LYPD6: variants seen among roughly 807,000 people sequenced by gnomAD.
LYPD6 encodes the protein LY6/PLAUR domain containing 6, also known as ly6/PLAUR domain-containing protein 6.
LYPD6 carries 15 observed loss-of-function variants against 22.7 expected under a neutral mutation model. That is an observed-to-expected ratio of 0.66 (90% CI 0.44 to 1.02). LYPD6 has a LOEUF of 1.02. Ranked by LOEUF, LYPD6 falls within the 50% of genes least tolerant of loss-of-function variation. The pLI is 0.00. For missense variants in LYPD6, 189 were observed against 208.4 expected, an observed-to-expected ratio of 0.91 and a Z score of 0.57; for synonymous variants, 72 against 77.5, an observed-to-expected ratio of 0.93 and a Z score of 0.37.
downstream of LYPD6, chr2:149,474,202 TC>T (rs1681410886): frequency 6.6e-6 from 1 of 152,164 alleles, no homozygotes; most frequent in South Asian, 2.1e-4. Context: ...TTTTTTTGTT[TC>T]GTTTTTTTGA....
intron 3 of LYPD6, among the ~76,000 whole-genome samples, chr2:149,468,178 C>CAA (rs1428615054): frequency 1.4e-5 from 2 of 147,566 alleles, no homozygotes; most frequent in Non-Finnish European, 3.0e-5. Context: ...CACACACACA[C>CAA]ACACACACAC....
intron 1 of LYPD6, among the ~76,000 whole-genome samples, chr2:149,331,943 T>G (rs1464227540): frequency 6.6e-6 from 1 of 152,226 alleles, no homozygotes; most frequent in East Asian, 1.9e-4. Flanking sequence ...TACATTTTCT[T>G]TCGAGTGAGA....
intron 1 of LYPD6, among the ~76,000 whole-genome samples, chr2:149,406,163 C>G (rs915263423): frequency 6.7e-6 from 1 of 149,246 alleles, no homozygotes; most frequent in Admixed American, 6.7e-5. Context: ...AGTATGTGGT[C>G]AATTTTGGAA....
intron 1 of LYPD6, among the ~76,000 whole-genome samples, chr2:149,388,899 C>T (rs1682245905): frequency 2.0e-5 from 3 of 152,124 alleles, no homozygotes; most frequent in Admixed American, 2.0e-4. Flanking sequence ...ATACTTAACC[C>T]TTCCTAATGC....
At chr2:149,364,918 A>G (rs548134177) in intron 1 of LYPD6, among the ~76,000 whole-genome samples, 44 of 152,236 alleles carry the variant, frequency 2.9e-4, no homozygotes, top group African/African-American at 1.0e-3. Flanking sequence ...AGTTTTCAAA[A>G]TCACCCCAGG....
At chr2:149,331,652 G>A (rs925845924) in intron 1 of LYPD6, among the ~76,000 whole-genome samples, 3 of 151,918 alleles carry the variant, frequency 2.0e-5, no homozygotes, top group Admixed American at 1.3e-4. Context: ...TGGGTGGGGG[G>A]GAATGGAAGA....
intron 1 of LYPD6, among the ~76,000 whole-genome samples, chr2:149,388,101 T>C (rs1256828235): frequency 6.6e-6 from 1 of 152,172 alleles, no homozygotes; most frequent in Non-Finnish European, 1.5e-5. Flanking sequence ...GTTGAAATAT[T>C]CTATGTCTTC....
At chr2:149,420,210 C>CT (rs1235379369) in intron 1 of LYPD6, among the ~76,000 whole-genome samples, 1 of 152,202 alleles carries the variant, frequency 6.6e-6, no homozygotes, top group Non-Finnish European at 1.5e-5. Context: ...CTGAAGGCAT[C>CT]TCAGTGTGCC....
rs1039383542 is a variant in LYPD6 at position 149,471,560 on chromosome 2, C to T, written c.*710C>T. ...ACTGTCCATAAAGTGGCTGTTATCC[C>T]TTCATATAATTGGTGAGATCAGCCT... On this transcript the variant is annotated 3_prime_UTR_variant, in exon 5 of 5. Transcript: ENST00000334166. 20 of 152,164 alleles carry T rather than the reference C, an allele frequency of 1.3e-4. No homozygotes were observed. Among genetic ancestry groups the T allele is most frequent in the African/African-American group, 4.6e-4 (19 of 41,436 alleles). 9.4% of individuals were successfully genotyped at this position (152,164 alleles called of 1,614,324 possible).
intron 1 of LYPD6, among the ~76,000 whole-genome samples, chr2:149,419,672 C>A (rs567410613): frequency 6.6e-5 from 10 of 152,304 alleles, no homozygotes. Flanking sequence ...TGCGTGCTCT[C>A]ATGCACAGAC....
intron 2 of LYPD6, among the ~76,000 whole-genome samples, chr2:149,438,826 C>G (rs1283208102): frequency 1.3e-5 from 2 of 152,188 alleles, no homozygotes; most frequent in Non-Finnish European, 2.9e-5. Flanking sequence ...GGCTTGGAGT[C>G]CACCTGACCT....
chr2:149,412,153 AT>A (rs1256832324), intron 1 of LYPD6, among the ~76,000 whole-genome samples: 1 of 152,238 alleles, frequency 6.6e-6, no homozygotes, highest in African/African-American at 2.4e-5. Context: ...CATTTAAAAA[AT>A]GAATAGGTAC....
At chr2:149,352,423 C>T (rs1201117619) in intron 1 of LYPD6, among the ~76,000 whole-genome samples, 2 of 152,128 alleles carry the variant, frequency 1.3e-5, no homozygotes, top group African/African-American at 4.8e-5. Context: ...GGAGATGTGA[C>T]AGTGGCTGCA....
At chr2:149,377,781 A>ACCCC (rs70994571) in intron 1 of LYPD6, among the ~76,000 whole-genome samples, 103 of 94,280 alleles carry the variant, frequency 1.1e-3, no homozygotes, top group Non-Finnish European at 1.4e-3. Context: ...CTTTGTCCCC[A>ACCCC]CCCCCCCCCC....
At chr2:149,334,882 C>T (rs567555255) in intron 1 of LYPD6, among the ~76,000 whole-genome samples, 2 of 151,748 alleles carry the variant, frequency 1.3e-5, no homozygotes, top group Non-Finnish European at 2.9e-5. Context: ...TGGTCCCATA[C>T]GAGTATAGTG....
At chr2:149,335,433 A>G (rs1681017059) in intron 1 of LYPD6, among the ~76,000 whole-genome samples, 1 of 152,228 alleles carries the variant, frequency 6.6e-6, no homozygotes, top group East Asian at 1.9e-4. Context: ...ATAAGTTTGT[A>G]CCATGTGTTT....
intron 1 of LYPD6, among the ~76,000 whole-genome samples, chr2:149,357,844 G>A (rs1424992517): frequency 3.4e-5 from 5 of 148,776 alleles, no homozygotes; most frequent in African/African-American, 5.0e-5. Context: ...GGAGTGCAGT[G>A]GCACAATTTC....
In LYPD6 at chr2:149,339,185, CA is replaced by C. The variant is rs368050523; in HGVS notation, c.-72+8464del. Among the ~76,000 whole-genome samples the C allele has an allele frequency of 1.2e-4, 18 of 152,312 alleles. No homozygotes were observed. In the East Asian group the frequency reaches 2.1e-3, roughly 18 times the overall value. On this transcript the variant is annotated intron_variant, in intron 1 of 4. Coordinates refer to ENST00000334166, the MANE Select transcript of LYPD6 (RefSeq NM_194317.5). Reference sequence around the variant, plus strand: ...AACTAATCCGACTCCAAGACTAACACAGACCAACCCAAAGACTACGTATAAC... The same window carrying C: ...AACTAATCCGACTCCAAGACTAACACGACCAACCCAAAGACTACGTATAAC...
intron 1 of LYPD6, among the ~76,000 whole-genome samples, chr2:149,335,788 C>A (rs1681024065): frequency 6.6e-6 from 1 of 152,144 alleles, no homozygotes; most frequent in Non-Finnish European, 1.5e-5. Context: ...TGTTTAGATA[C>A]ACACATACTT....
Sources: gnomAD v4.1 joint callset for allele counts (sites outside exome capture counted in the v4.1 genomes callset) on GRCh38, gnomAD v4.1.1 for gene constraint, MANE v1.5 for transcripts, NCBI Gene and HGNC (gene_info 2026-07-23, HGNC 2026-07-21) for gene names.